GPATCH11: variants seen among roughly 807,000 people sequenced by gnomAD.
The protein encoded by GPATCH11 is G patch domain-containing protein 11.
In GPATCH11, 32 loss-of-function variants were observed where a neutral mutation model predicts 44.8. The ratio of observed to expected loss-of-function variants is 0.71; its 90% CI spans 0.54 to 0.96. The LOEUF is 0.96. Among genes scored for constraint, GPATCH11 ranks in the 40% least tolerant of loss-of-function variants. GPATCH11 has a pLI of 0.00. For missense variants in GPATCH11, 324 were observed against 303.1 expected, an observed-to-expected ratio of 1.07 and a Z score of -0.51; for synonymous variants, 84 against 94.4, an observed-to-expected ratio of 0.89 and a Z score of 0.64.
rs1230231252 is a variant in GPATCH11, at chr2:37,098,549, G to C, written c.*2286G>C. The C allele has an allele frequency of 2.0e-5, 3 of 152,170 alleles. No homozygotes were observed. Among genetic ancestry groups the C allele is most frequent in the Middle Eastern group, 3.4e-3 (1 of 296 alleles). 9.4% of individuals were successfully genotyped at this position (152,170 alleles called of 1,614,324 possible). ...ACAGGAACTGGCTTCCCTTTCTCCT[G>C]TTACTATGAGGACAACCCACACCTG... On this transcript the variant is annotated 3_prime_UTR_variant, in exon 9 of 9. Transcript: ENST00000674370.
intron 4 of GPATCH11, among the ~76,000 whole-genome samples, chr2:37,091,249 A>G (rs1411303511): frequency 6.6e-6 from 1 of 151,904 alleles, no homozygotes; most frequent in Non-Finnish European, 1.5e-5. Flanking sequence ...GCTTGAACCC[A>G]GGAGGCAGAG....
intron 4 of GPATCH11, among the ~76,000 whole-genome samples, chr2:37,090,935 AATC>A (rs1418201034): frequency 6.6e-6 from 1 of 152,242 alleles, no homozygotes; most frequent in Non-Finnish European, 1.5e-5. Context: ...GGGAAGAACA[AATC>A]ATTACAACCA....
intron 7 of GPATCH11, among the ~76,000 whole-genome samples, chr2:37,094,813 A>G (rs1251606012): frequency 6.6e-6 from 1 of 151,900 alleles, no homozygotes; most frequent in East Asian, 1.9e-4. Context: ...GGTGTGGGGC[A>G]CCCAATAATC....
chr2:37,093,339 AT>A (rs1485926382), intron 6 of GPATCH11, among the ~76,000 whole-genome samples: 4 of 151,614 alleles, frequency 2.6e-5, no homozygotes, highest in Admixed American at 6.6e-5. Context: ...TACAAAAAAA[AT>A]AAATAAGTAA....
intron 1 of GPATCH11, among the ~76,000 whole-genome samples, chr2:37,086,691 C>T (rs146724366): frequency 0.013 from 1,987 of 152,112 alleles, 16 homozygotes; most frequent in Non-Finnish European, 0.022. Flanking sequence ...CCCAGCTACT[C>T]GGGAGGCTGA....
At position 37,098,989 on chromosome 2, in the gene GPATCH11, C is replaced by G. The variant is rs947449844; in HGVS notation, c.*2726C>G. The G allele has an allele frequency of 6.6e-6, 1 of 152,108 alleles. No homozygotes were observed. Among genetic ancestry groups the G allele is most frequent in the African/African-American group, 2.4e-5 (1 of 41,416 alleles). The allele number at this position is 152,108 out of a possible 1,614,324, so 9.4% of individuals were successfully genotyped here. A position where few individuals can be genotyped will look rare whatever the true frequency, so the allele number is the denominator to read the frequency against. The stretch of plus-strand genomic sequence containing the variant: ...AATGAACACCAAGGGAAGCAAAACA[C>G]TGAAAAGAATTTTAAAATTTGTTGT... On this transcript the variant is annotated 3_prime_UTR_variant, in exon 9 of 9. Coordinates refer to ENST00000674370, the MANE Select transcript of GPATCH11 (RefSeq NM_174931.4).
In GPATCH11 at chr2:37,084,523, C is replaced by G; in HGVS notation, c.-61C>G. On this transcript the variant is annotated 5_prime_UTR_variant, in exon 1 of 9. Transcript: ENST00000674370. ...CGACGCTGGTCGGTGGGCGCATGCG[C>G]AGCGCGCGCTCTACGGCGCTGAACC... The G allele has an allele frequency of 8.1e-7, 1 of 1,232,596 alleles. No homozygotes were observed. The highest frequency in any genetic ancestry group is 1.0e-6 in the Non-Finnish European group (1 of 988,286). 76.4% of individuals were successfully genotyped at this position (1,232,596 alleles called of 1,614,324 possible). A position where few individuals can be genotyped will look rare whatever the true frequency, so the allele number is the denominator to read the frequency against.
rs1229086020 is a variant in GPATCH11 at position 37,098,562 on chromosome 2, C to G, written c.*2299C>G. On this transcript the variant is annotated 3_prime_UTR_variant, in exon 9 of 9. Transcript: ENST00000674370. The stretch of plus-strand genomic sequence containing the variant: ...TCCCTTTCTCCTGTTACTATGAGGA[C>G]AACCCACACCTGCTCAGTGGCCTAA... 2.0e-5 allele frequency: 3 copies of G among 152,106 alleles called. No homozygotes were observed. The highest frequency in any genetic ancestry group is 4.4e-5 in the Non-Finnish European group (3 of 68,038). 9.4% of individuals were successfully genotyped at this position (152,106 alleles called of 1,614,324 possible). A position where few individuals can be genotyped will look rare whatever the true frequency, so the allele number is the denominator to read the frequency against.
chr2:37,095,381 A>G, intron 7 of GPATCH11, 56 bp from the exon 8 acceptor site: 1 of 1,546,558 alleles, frequency 6.5e-7, no homozygotes, highest in Non-Finnish European at 8.7e-7. Context: ...TCTAAGAGCC[A>G]GAAAACCAAG....
Position 37,091,957 on chromosome 2 carries a change from G to C in GPATCH11, c.370G>C (p.Ala124Pro). The C allele has an allele frequency of 6.2e-7, 1 of 1,612,972 alleles. No homozygotes were observed. The highest frequency in any genetic ancestry group is 1.1e-5 in the South Asian group (1 of 91,020). The change falls in exon 5 of 9, where the codon GCA becomes CCA. Residue 124 changes from alanine to proline, a missense_variant. Ala to Pro is a conservative substitution (Grantham distance 27). Transcript: ENST00000674370. ...IGHEASLKRK[A>P]EEKLESYRKK... Reference sequence around the variant, plus strand: ...TCATGAGGCATCATTAAAACGGAAAGCAGAGGAAAAATTGGAAAGCTACAG... The same window carrying C: ...TCATGAGGCATCATTAAAACGGAAACCAGAGGAAAAATTGGAAAGCTACAG...
chr2:37,084,570 G>A lies in GPATCH11; in HGVS notation c.-14G>A, dbSNP rs748772645. 2 of 1,232,202 alleles carry A rather than the reference G, an allele frequency of 1.6e-6. No homozygotes were observed. The highest frequency in any genetic ancestry group is 1.6e-5 in the African/African-American group (1 of 64,440). 76.3% of individuals were successfully genotyped at this position (1,232,202 alleles called of 1,614,324 possible). On this transcript the variant is annotated splice_region_variant and 5_prime_UTR_variant, in exon 1 of 9. Transcript: ENST00000674370. ...AACCGGGGCGAGCAGAGAGCTGTCA[G>A]GTAAGAGAGCTGTCAGGTAAGGGTC...
chr2:37,087,463 TAAG>T (rs1260776932), intron 1 of GPATCH11, among the ~76,000 whole-genome samples: 2 of 152,230 alleles, frequency 1.3e-5, no homozygotes, highest in Non-Finnish European at 2.9e-5. Flanking sequence ...TTCTGCATTT[TAAG>T]AAGATCTCAG....
chr2:37,092,158 C>G lies in GPATCH11; in HGVS notation c.450-7C>G, dbSNP rs556576754. On this transcript the variant is annotated splice_region_variant and splice_polypyrimidine_tract_variant and intron_variant, in intron 5 of 8. Transcript: ENST00000674370. ...ACCTTTAGTTTACAATTTTTTCTTTCAATTAGAATGCGACTTAAAAATAAG... is the reference window on the plus strand; with the variant it reads ...ACCTTTAGTTTACAATTTTTTCTTTGAATTAGAATGCGACTTAAAAATAAG... 1 of 1,545,234 alleles carries G rather than the reference C, an allele frequency of 6.5e-7. No homozygotes were observed. The highest frequency in any genetic ancestry group is 1.3e-5 in the South Asian group (1 of 78,886).
chr2:37,092,881 C>T (rs1241620497), intron 6 of GPATCH11, among the ~76,000 whole-genome samples: 2 of 152,108 alleles, frequency 1.3e-5, no homozygotes, highest in African/African-American at 4.8e-5. Flanking sequence ...CATGATGGCT[C>T]AATCCTGTAA....
rs374844463 is a variant in GPATCH11, at chr2:37,092,039, A to G, written c.449+3A>G. 9.0e-4 allele frequency: 1,452 copies of G among 1,612,388 alleles called. 2 individuals carry two copies. Among genetic ancestry groups the G allele is most frequent in the Non-Finnish European group, 1.1e-3 (1,311 of 1,178,974 alleles). ...GAAAAAGCTGCAGAACAGTTTCGGT[A>G]AAACTATTTTTGAGCTGGTTTTGGT... On this transcript the variant is annotated splice_donor_region_variant and intron_variant, in intron 5 of 8. Coordinates refer to ENST00000674370, the MANE Select transcript of GPATCH11 (RefSeq NM_174931.4).
intron 4 of GPATCH11, 115 bp from the exon 5 acceptor site, chr2:37,091,801 A>G: frequency 1.1e-6 from 1 of 903,594 alleles, no homozygotes; most frequent in South Asian, 2.2e-5. Context: ...TACTCAAATG[A>G]TTTGTGAGTG....
intron 3 of GPATCH11, 70 bp from the exon 4 acceptor site, chr2:37,090,611 G>A (rs755219361): frequency 1.2e-6 from 1 of 803,728 alleles, no homozygotes; most frequent in African/African-American, 1.7e-5. Context: ...GCATTGTAAA[G>A]TTGCATACTT....
Position 37,095,514 on chromosome 2 carries a change from T to G in GPATCH11, c.732T>G (p.Tyr244Ter). ...HLYCIWCGTA[Y>*]EDKEDLSSNC... ...ATTGTATTTGGTGTGGAACAGCCTATGAAGGTAAGAAAATTACTTTATGCT... is the reference window on the plus strand; with the variant it reads ...ATTGTATTTGGTGTGGAACAGCCTAGGAAGGTAAGAAAATTACTTTATGCT... The change falls in exon 8 of 9, where the codon TAT (tyrosine) becomes TAG (stop). Residue 244 changes from tyrosine to a stop codon, truncating the protein, a stop_gained. Coordinates refer to ENST00000674370, the MANE Select transcript of GPATCH11 (RefSeq NM_174931.4). LOFTEE classifies it high-confidence loss of function. 1 of 1,588,348 alleles carries G rather than the reference T, an allele frequency of 6.3e-7. No individual in the cohort carries two copies. The highest frequency in any genetic ancestry group is 8.5e-7 in the Non-Finnish European group (1 of 1,171,670).
rs1019221908 is a variant in GPATCH11 at position 37,089,761 on chromosome 2, G to T, written c.181G>T (p.Glu61Ter). The T allele has an allele frequency of 1.9e-6, 3 of 1,551,818 alleles. No homozygotes were observed. Among genetic ancestry groups the T allele is most frequent in the Non-Finnish European group, 2.6e-6 (3 of 1,147,056 alleles). The change falls in exon 3 of 9, where the codon GAA becomes TAA. Residue 61 changes from glutamate (E) to a stop codon, truncating the protein, a stop_gained. Transcript: ENST00000674370. LOFTEE classifies it high-confidence loss of function. ...GAAGAGTTTAAAAGAAGAAGAACAAGAAAGACGTGACATTGGGTTGAAGAA... is the reference window on the plus strand; with the variant it reads ...GAAGAGTTTAAAAGAAGAAGAACAATAAAGACGTGACATTGGGTTGAAGAA... ...RQKSLKEEEQ[E>*]RRDIGLKNAL...
Sources: gnomAD v4.1 joint callset for allele counts (sites outside exome capture counted in the v4.1 genomes callset) on GRCh38, gnomAD v4.1.1 for gene constraint, MANE v1.5 for transcripts, NCBI Gene and HGNC (gene_info 2026-07-23, HGNC 2026-07-21) for gene names.